The following GRHL1 variants were observed in gnomAD, a reference collection of about 807,000 sequenced individuals.
GRHL1 encodes the protein grainyhead like transcription factor 1, also known as grainyhead-like protein 1 homolog.
GRHL1 carries 38 observed loss-of-function variants against 75.7 expected under a neutral mutation model. That is an observed-to-expected ratio of 0.50 (90% confidence interval 0.39 to 0.66). GRHL1 has a LOEUF of 0.66. Ranked by LOEUF, GRHL1 falls within the 30% of genes least tolerant of loss-of-function variation. The pLI is 0.00. For synonymous variants in GRHL1, 266 were observed against 279.4 expected (o/e 0.95, Z 0.48); for missense variants, 589 against 767.5 (o/e 0.77, Z 2.75).
intron 8 of GRHL1, among the ~76,000 whole-genome samples, chr2:9,975,039 C>T (rs1260429068): frequency 1.3e-5 from 2 of 152,186 alleles, no homozygotes; most frequent in Non-Finnish European, 2.9e-5. Flanking sequence ...TTTTCCTTAT[C>T]TTTCCCCTCA....
chr2:9,971,947 A>C (rs1252681998), intron 8 of GRHL1, among the ~76,000 whole-genome samples: 1 of 152,172 alleles, frequency 6.6e-6, no homozygotes, highest in Non-Finnish European at 1.5e-5. Flanking sequence ...AACATGTTCC[A>C]TGCAGATGTA....
intron 10 of GRHL1, among the ~76,000 whole-genome samples, chr2:9,991,211 T>C (rs1668627147): frequency 1.3e-5 from 2 of 152,226 alleles, no homozygotes; most frequent in South Asian, 4.1e-4. Flanking sequence ...TTTGGACATT[T>C]CACCAGGAAG....
intron 15 of GRHL1, among the ~76,000 whole-genome samples, chr2:9,999,746 A>G (rs929083184): frequency 6.6e-5 from 10 of 152,264 alleles, no homozygotes; most frequent in African/African-American, 1.9e-4. Flanking sequence ...AGTGGCTAGC[A>G]TAAGAATTTT....
chr2:9,985,729 T>C (rs1668391288), intron 8 of GRHL1, among the ~76,000 whole-genome samples: 1 of 152,160 alleles, frequency 6.6e-6, no homozygotes, highest in Non-Finnish European at 1.5e-5. Context: ...TCAACGCAAA[T>C]ATAGGTGGAT....
intron 8 of GRHL1, among the ~76,000 whole-genome samples, chr2:9,966,713 C>G (rs964037033): frequency 6.6e-6 from 1 of 151,968 alleles, no homozygotes; most frequent in Non-Finnish European, 1.5e-5. Context: ...GAGCCATGTT[C>G]TGCTTGTATT....
At chr2:9,981,490 G>C (rs888389835) in intron 8 of GRHL1, among the ~76,000 whole-genome samples, 5 of 152,346 alleles carry the variant, frequency 3.3e-5, no homozygotes, top group South Asian at 2.1e-4. Flanking sequence ...GCAGACGACA[G>C]CTCTGAGGCG....
Position 9,961,192 on chromosome 2 carries a change from A to G in GRHL1, c.425A>G (p.Asp142Gly), listed in dbSNP as rs780719872. ...AAGAGAGGCCATCTGACAGCTCCAGATACGACAGTCACTGTCTCCATAGCA... is the reference window on the plus strand; with the variant it reads ...AAGAGAGGCCATCTGACAGCTCCAGGTACGACAGTCACTGTCTCCATAGCA... ...IDKRGHLTAP[D>G]TTVTVSIATM... The change falls in exon 4 of 16, where the codon GAT becomes GGT. Residue 142 changes from aspartate (D) to glycine (G), a missense_variant. Physicochemically the swap from Asp to Gly is moderately conservative, Grantham distance 94. Transcript: ENST00000324907. 1 of 1,614,148 alleles carries G rather than the reference A, an allele frequency of 6.2e-7. No homozygotes were observed. Among genetic ancestry groups the G allele is most frequent in the South Asian group, 1.1e-5 (1 of 91,084 alleles).
intron 8 of GRHL1, among the ~76,000 whole-genome samples, chr2:9,982,605 G>A (rs1003021455): frequency 2.6e-5 from 4 of 152,152 alleles, no homozygotes; most frequent in African/African-American, 4.8e-5. Flanking sequence ...TTAACCTCCC[G>A]CTTCACTCTC....
chr2:9,995,899 C>T lies in GRHL1; in HGVS notation c.1520C>T (p.Pro507Leu), dbSNP rs569314911. Residue 507 changes from proline (P) to leucine (L), a missense_variant, in exon 13 of 16, where the codon CCG becomes CTG. Coordinates refer to ENST00000324907, the MANE Select transcript of GRHL1 (RefSeq NM_198182.3). ...TGCAGCTCTGTCTTGAAAAGGGGGC[C>T]GTACGGCACAGAAGATGACTTTGCT... ...EGEGSVLKRG[P>L]YGTEDDFAVP... 76 of 1,611,362 alleles carry T rather than the reference C, an allele frequency of 4.7e-5. No individual in the cohort carries two copies. Among genetic ancestry groups the T allele is most frequent in the Non-Finnish European group, 5.9e-5 (69 of 1,177,450 alleles).
intron 5 of GRHL1, among the ~76,000 whole-genome samples, chr2:9,963,350 G>A (rs909111223): frequency 1.3e-5 from 2 of 152,160 alleles, no homozygotes; most frequent in South Asian, 4.1e-4. Flanking sequence ...TAAAACTTTA[G>A]TTACAAAAAT....
Position 9,996,335 on chromosome 2 carries a change from G to A in GRHL1, c.1611G>A (p.Lys537=), listed in dbSNP as rs1197270969. 3 of 1,612,448 alleles carry A rather than the reference G, an allele frequency of 1.9e-6. No homozygotes were observed. Among genetic ancestry groups the A allele is most frequent in the South Asian group, 2.2e-5 (2 of 91,052 alleles). ...GATTAGTGCTGCTCTACGTTCGAAA[G>A]GAGTCAGAAGAAGTCTTTGATGCCC... The part of the protein sequence containing the change: ...EPKRVLLYVR[K]ESEEVFDALM... Residue 537 remains lysine (K), a synonymous_variant, in exon 14 of 16, where the codon AAG becomes AAA. Coordinates refer to ENST00000324907, the MANE Select transcript of GRHL1 (RefSeq NM_198182.3).
At chr2:9,978,582 T>C (rs1172878981) in intron 8 of GRHL1, among the ~76,000 whole-genome samples, 1 of 152,228 alleles carries the variant, frequency 6.6e-6, no homozygotes, top group Non-Finnish European at 1.5e-5. Flanking sequence ...TGGTTTTTCC[T>C]AGCTAGGCTC....
intron 8 of GRHL1, among the ~76,000 whole-genome samples, chr2:9,982,626 C>T (rs924448701): frequency 2.6e-5 from 4 of 152,206 alleles, no homozygotes; most frequent in Admixed American, 6.5e-5. Flanking sequence ...CCTGAGTTTT[C>T]GGATTCAGTG....
At chr2:9,953,354 T>G (rs1428665542) in intron 1 of GRHL1, among the ~76,000 whole-genome samples, 1 of 152,254 alleles carries the variant, frequency 6.6e-6, no homozygotes, top group Non-Finnish European at 1.5e-5. Context: ...AATCAGTCCA[T>G]GGCACCAGCC....
intron 2 of GRHL1, among the ~76,000 whole-genome samples, chr2:9,957,034 G>A (rs191043323): frequency 2.6e-4 from 38 of 145,870 alleles, no homozygotes; most frequent in African/African-American, 9.0e-4. Flanking sequence ...GCAGAGTCTC[G>A]CTCTTGCCCA....
At chr2:9,965,141 T>C (rs1211406729) in intron 7 of GRHL1, 146 bp from the exon 8 acceptor site, 1 of 544,136 alleles carries the variant, frequency 1.8e-6, no homozygotes, top group Non-Finnish European at 3.3e-6. Flanking sequence ...CTTCGTATTT[T>C]GAACTTCTTC....
At chr2:9,954,081 C>T (rs1211648564) in intron 1 of GRHL1, among the ~76,000 whole-genome samples, 3 of 152,068 alleles carry the variant, frequency 2.0e-5, no homozygotes, top group Non-Finnish European at 4.4e-5. Context: ...ACTAAGATCG[C>T]CATTGATTTT....
chr2:9,985,763 A>G (rs1668392420), intron 8 of GRHL1, among the ~76,000 whole-genome samples: 1 of 152,244 alleles, frequency 6.6e-6, no homozygotes, highest in Non-Finnish European at 1.5e-5. Context: ...TTACTAAGTT[A>G]CAGAACAGCT....
At chr2:9,983,714 C>T (rs779777047) in intron 8 of GRHL1, among the ~76,000 whole-genome samples, 1 of 151,712 alleles carries the variant, frequency 6.6e-6, no homozygotes, top group Non-Finnish European at 1.5e-5. Flanking sequence ...TCGGATTTTC[C>T]ATTGGTTGTA....
Sources: allele counts gnomAD v4.1 joint callset (sites outside exome capture counted in the v4.1 genomes callset), GRCh38; gene constraint gnomAD v4.1.1; transcripts MANE v1.5; gene names NCBI Gene and HGNC (gene_info 2026-07-23, HGNC 2026-07-21).